PARP6: variants seen among roughly 807,000 people sequenced by gnomAD.
PARP6 encodes poly(ADP-ribose) polymerase family member 6.
A neutral mutation model predicts 92.0 loss-of-function variants in PARP6; 27 were observed. The ratio of observed to expected loss-of-function variants is 0.29; its 90% CI spans 0.22 to 0.40. The LOEUF is 0.40. PARP6 is among the 10% of genes least tolerant of loss of function. PARP6 has a pLI of 1.00. For synonymous variants in PARP6, 272 were observed against 281.2 expected (o/e 0.97, Z 0.33); for missense variants, 501 against 784.5 (o/e 0.64, Z 4.32).
At chr15:72,253,285 G>A in intron 16 of PARP6, 152 bp downstream of exon 16, 1 of 463,780 alleles carries the variant, frequency 2.2e-6, no homozygotes, top group Non-Finnish European at 3.9e-6. Context: ...TTCAAGGCAA[G>A]GTATGCCAAC....
chr15:72,265,508 T>A (rs766517192), intron 5 of PARP6, 35 bp from the exon 6 acceptor site: 1 of 1,505,344 alleles, frequency 6.6e-7, no homozygotes, highest in Non-Finnish European at 9.3e-7. Flanking sequence ...GTGAGACTCA[T>A]TAAGGGAGAA....
chr15:72,242,128 G>A lies in PARP6; in HGVS notation c.1705+29C>T, dbSNP rs775322615. 6 of 1,601,748 alleles carry A rather than the reference G, an allele frequency of 3.7e-6. No individual in the cohort carries two copies. Among genetic ancestry groups the A allele is most frequent in the Non-Finnish European group, 4.3e-6 (5 of 1,168,782 alleles). On this transcript the variant is annotated intron_variant, in intron 22 of 23. Transcript: ENST00000569795. This position sits in a 1 kb window ranked among gnomAD's most constrained non-coding sequence, Gnocchi z 4.3. The stretch of plus-strand genomic sequence containing the variant: ...ATCAGAAACAAAGGTTAGAGACCCA[G>A]AAAAACAGGACATGGGCAAGCTACC...
chr15:72,265,047 A>G, intron 7 of PARP6, 34 bp downstream of exon 7: 1 of 1,415,636 alleles, frequency 7.1e-7, no homozygotes, highest in Non-Finnish European at 1.0e-6. Flanking sequence ...GACCACACTC[A>G]GACCACCCAC....
chr15:72,252,058 T>C (rs1037120932), intron 16 of PARP6, among the ~76,000 whole-genome samples: 18 of 152,058 alleles, frequency 1.2e-4, no homozygotes, highest in African/African-American at 4.3e-4. Flanking sequence ...GGAGGCAAAC[T>C]AAAAAGGGAA....
intron 15 of PARP6, 144 bp from the exon 16 acceptor site, chr15:72,253,648 C>T (rs1597013543): frequency 1.4e-6 from 1 of 709,550 alleles, no homozygotes; most frequent in East Asian, 2.7e-5. Flanking sequence ...GGTTCCCACC[C>T]TCAAGGAGCC....
intron 12 of PARP6, 42 bp downstream of exon 12, chr15:72,257,995 G>C (rs759158249): frequency 1.5e-6 from 2 of 1,358,616 alleles, no homozygotes; most frequent in South Asian, 2.3e-5. Context: ...GGAGTGAAGG[G>C]GACCTGGTTA....
intron 8 of PARP6, among the ~76,000 whole-genome samples, 161 bp from the exon 9 acceptor site, chr15:72,261,868 A>T (rs774460852): frequency 8.5e-5 from 13 of 152,136 alleles, no homozygotes; most frequent in Non-Finnish European, 7.3e-5. Flanking sequence ...CTTAGTAAAT[A>T]AAAAAATCAC....
intron 16 of PARP6, among the ~76,000 whole-genome samples, chr15:72,253,108 A>G (rs1483722129): frequency 1.3e-5 from 2 of 151,690 alleles, no homozygotes; most frequent in Admixed American, 1.3e-4. Context: ...ACTGAAGGGC[A>G]AGGCTACAGT....
chr15:72,260,522 G>A lies in PARP6; in HGVS notation c.712C>T (p.Pro238Ser), dbSNP rs1277572264. 5 of 1,614,214 alleles carry A rather than the reference G, an allele frequency of 3.1e-6. No individual in the cohort carries two copies. The highest frequency in any genetic ancestry group is 4.2e-6 in the Non-Finnish European group (5 of 1,180,032). The change falls in exon 10 of 24, where the codon CCT becomes TCT. Residue 238 changes from proline to serine, a missense_variant. Physicochemically the swap from Pro to Ser is moderately conservative, Grantham distance 74 (BLOSUM62 -1). This residue lies in a region of PARP6 where 291 missense variants were observed against 352.0 expected (regional missense o/e 0.83). Coordinates refer to ENST00000569795, the MANE Select transcript of PARP6 (RefSeq NM_001323532.2). ...GGGGGAGGGAGGCCCACGTGCTGAG[G>A]GCACAGGAGACCTGCCTGGGGGCTG... ...PPSPQAGLLC[P>S]QHVGLPPPAR...
rs2085734914 is a variant in PARP6 at position 72,260,560 on chromosome 15, A to G, written c.674T>C (p.Phe225Ser). ...CTMKNPKVEVFGYPPSPQAGL... is the reference protein window; with the variant it reads ...CTMKNPKVEVSGYPPSPQAGL... The stretch of plus-strand genomic sequence containing the variant: ...TGCCTGGGGGCTGGGAGGGTAGCCA[A>G]ACACTTCCACTTTGGGGTTCTTCAT... Residue 225 changes from phenylalanine to serine, a missense_variant, in exon 10 of 24, where the codon TTT becomes TCT. By Grantham distance (155) the Phe-to-Ser change is radical. Transcript: ENST00000569795. The G allele has an allele frequency of 6.2e-7, 1 of 1,614,174 alleles. No homozygotes were observed. Among genetic ancestry groups the G allele is most frequent in the African/African-American group, 1.3e-5 (1 of 75,044 alleles).
chr15:72,259,275 G>A (rs956266785), intron 11 of PARP6, among the ~76,000 whole-genome samples: 1 of 152,200 alleles, frequency 6.6e-6, no homozygotes, highest in African/African-American at 2.4e-5. Context: ...GGTCTGTGAA[G>A]AATACTAAAG....
intron 20 of PARP6, among the ~76,000 whole-genome samples, chr15:72,247,609 T>G (rs929655458): frequency 6.6e-6 from 1 of 152,224 alleles, no homozygotes; most frequent in African/African-American, 2.4e-5. Context: ...TGTAAAACCA[T>G]CTGGGCTTGG....
intron 2 of PARP6, among the ~76,000 whole-genome samples, chr15:72,268,408 T>C (rs980523931): frequency 6.6e-6 from 1 of 152,252 alleles, no homozygotes; most frequent in Non-Finnish European, 1.5e-5. Context: ...AGTATCTCTC[T>C]TTAAACATCA....
At position 72,250,833 on chromosome 15, in the gene PARP6, C is replaced by T. The variant is rs1029212455; in HGVS notation, c.1418+12G>A. On this transcript the variant is annotated intron_variant, in intron 18 of 23. Transcript: ENST00000569795. The stretch of plus-strand genomic sequence containing the variant: ...CTCACCACCCCCACTGCCCAGCCCC[C>T]AGCCTCCTCACTGGAAGGCAAAGGT... The T allele has an allele frequency of 7.8e-6, 12 of 1,530,884 alleles. No individual in the cohort carries two copies. Among genetic ancestry groups the T allele is most frequent in the Non-Finnish European group, 1.1e-5 (12 of 1,110,574 alleles). 94.8% of individuals were successfully genotyped at this position (1,530,884 alleles called of 1,614,324 possible).
chr15:72,259,300 G>C (rs1397613451), intron 11 of PARP6, among the ~76,000 whole-genome samples: 1 of 152,152 alleles, frequency 6.6e-6, no homozygotes, highest in Non-Finnish European at 1.5e-5. Flanking sequence ...TTTGAGCAAG[G>C]GCTATTGGGA....
At chr15:72,260,426 T>C (rs2141034334) in intron 10 of PARP6, 52 bp downstream of exon 10, 1 of 1,450,230 alleles carries the variant, frequency 6.9e-7, no homozygotes, top group Admixed American at 1.8e-5. Flanking sequence ...ACTCCCACAG[T>C]TCCACTCCCA....
chr15:72,270,269 TA>T (rs962251802), intron 2 of PARP6, among the ~76,000 whole-genome samples: 3 of 93,504 alleles, frequency 3.2e-5, no homozygotes, highest in African/African-American at 1.1e-4. Context: ...GGCACACACA[TA>T]AAAAAAGGAG....
At chr15:72,261,074 C>T (rs888511207) in intron 9 of PARP6, among the ~76,000 whole-genome samples, 6 of 152,178 alleles carry the variant, frequency 3.9e-5, no homozygotes, top group African/African-American at 1.2e-4. Flanking sequence ...TCCCAAAGGG[C>T]GTAATATTGA....
chr15:72,256,791 A>C (rs1008999670), intron 13 of PARP6, among the ~76,000 whole-genome samples: 1 of 152,262 alleles, frequency 6.6e-6, no homozygotes, highest in African/African-American at 2.4e-5. Context: ...CCCTTAAACT[A>C]ATCTCAATTC....
Sources: gnomAD v4.1 joint callset for allele counts (sites outside exome capture counted in the v4.1 genomes callset) on GRCh38, gnomAD v4.1.1 for gene constraint, gnomAD v4.1.1 regional missense constraint, Gnocchi (gnomAD v3.1) non-coding constraint, MANE v1.5 for transcripts, NCBI Gene and HGNC (gene_info 2026-07-23, HGNC 2026-07-21) for gene names.